Variants in DFFB observed in about 807,000 individuals in gnomAD.
DFFB encodes the protein DNA fragmentation factor subunit beta.
Under a neutral mutation model 32.7 loss-of-function variants are expected in DFFB, and 29 were observed. That is an observed-to-expected ratio of 0.89 (90% CI 0.66 to 1.21). DFFB has a LOEUF of 1.21. Among genes scored for constraint, DFFB ranks in the 50% most tolerant of loss-of-function variants. The pLI is 0.00. For synonymous variants in DFFB, 170 were observed against 177.1 expected, an observed-to-expected ratio of 0.96 and a Z score of 0.32; for missense variants, 398 against 440.6, an observed-to-expected ratio of 0.90 and a Z score of 0.87.
At chr1:3,868,566 C>T (rs1225678412) in intron 4 of DFFB, among the ~76,000 whole-genome samples, 1 of 152,094 alleles carries the variant, frequency 6.6e-6, no homozygotes, top group Non-Finnish European at 1.5e-5. Flanking sequence ...TGGATTTCCT[C>T]ATCACATAGC....
chr1:3,881,659 G>A (rs567582954), intron 6 of DFFB, among the ~76,000 whole-genome samples: 2 of 152,260 alleles, frequency 1.3e-5, no homozygotes, highest in African/African-American at 4.8e-5. Context: ...AGGAGTTCAA[G>A]GCCAGCCTGG....
chr1:3,877,328 G>GTTTTTTTTTTTTT (rs5772128), intron 6 of DFFB, among the ~76,000 whole-genome samples: 5 of 113,894 alleles, frequency 4.4e-5, no homozygotes, highest in African/African-American at 1.4e-4. Flanking sequence ...TGGGAGTTCA[G>GTTTTTTTTTTTTT]TTTTTTTTTT....
chr1:3,865,970 A>G lies in DFFB; in HGVS notation c.400A>G (p.Thr134Ala), dbSNP rs1644971736. 6.3e-7 allele frequency: 1 copy of G among 1,577,522 alleles called. No individual in the cohort carries two copies. The highest frequency in any genetic ancestry group is 1.2e-5 in the South Asian group (1 of 85,966). The change falls in exon 3 of 7, where the codon ACC (threonine) becomes GCC (alanine). Residue 134 changes from threonine (T) to alanine (A), a missense_variant. Coordinates refer to ENST00000378209, the MANE Select transcript of DFFB (RefSeq NM_004402.4). This position sits in a 1 kb window ranked among gnomAD's most constrained non-coding sequence, Gnocchi z 4.7. ...HNVSQNIAAE[T>A]RAEDPPWFEG... Reference sequence around the variant, plus strand: ...CGTCAGCCAGAACATCGCGGCCGAGACCCGGGCTGAGGACCCGCCGTGGTT... The same window carrying G: ...CGTCAGCCAGAACATCGCGGCCGAGGCCCGGGCTGAGGACCCGCCGTGGTT...
intron 4 of DFFB, among the ~76,000 whole-genome samples, chr1:3,868,418 C>T (rs1461192336): frequency 6.6e-6 from 1 of 152,084 alleles, no homozygotes; most frequent in Non-Finnish European, 1.5e-5. Flanking sequence ...CCAACTGTGA[C>T]CAAGGTCAGC....
chr1:3,869,656 C>A lies in DFFB; in HGVS notation c.562C>A (p.Arg188=), dbSNP rs746606419. ...TGCGGAGGCTCAGGAGGAATTCCTGCGGGTCCTCGGCTCCATGTGCCAGAG... is the reference window on the plus strand; with the variant it reads ...TGCGGAGGCTCAGGAGGAATTCCTGAGGGTCCTCGGCTCCATGTGCCAGAG... The part of the protein sequence containing the change: ...VGAEAQEEFL[R]VLGSMCQRLR... The change falls in exon 5 of 7, where the codon CGG becomes AGG. Residue 188 remains arginine, a synonymous_variant. Transcript: ENST00000378209. 9.3e-6 allele frequency: 15 copies of A among 1,613,348 alleles called. No homozygotes were observed. The East Asian group carries it at 3.3e-4, about 36-fold the overall frequency.
intron 4 of DFFB, among the ~76,000 whole-genome samples, chr1:3,869,142 C>A (rs970108757): frequency 1.3e-5 from 2 of 152,240 alleles, no homozygotes; most frequent in Admixed American, 1.3e-4. Context: ...TCACTGCAAC[C>A]TCTGCCTTCC....
intron 2 of DFFB, among the ~76,000 whole-genome samples, chr1:3,861,157 A>AC (rs1557708402): frequency 7.2e-6 from 1 of 138,054 alleles, no homozygotes; most frequent in African/African-American, 2.5e-5. Context: ...CCATCTCAAA[A>AC]AAAAAAAAAA....
At chr1:3,862,682 T>C (rs1644900931) in intron 2 of DFFB, among the ~76,000 whole-genome samples, 1 of 152,154 alleles carries the variant, frequency 6.6e-6, no homozygotes, top group African/African-American at 2.4e-5. Context: ...TGGTACCTTA[T>C]ACAAAAAGTA....
At chr1:3,868,693 G>GGCCACACCACACCAA (rs1557716346) in intron 4 of DFFB, among the ~76,000 whole-genome samples, 10 of 6,978 alleles carry the variant, frequency 1.4e-3, no homozygotes, top group East Asian at 5.7e-3. Context: ...CACCACACCA[G>GGCCACACCACACCAA]GCCACACCAC....
intron 1 of DFFB, 64 bp from the exon 2 acceptor site, chr1:3,858,654 C>T: frequency 6.4e-7 from 1 of 1,574,544 alleles, no homozygotes. Context: ...TTTGTGAGGC[C>T]TGCAGATGCA....
At chr1:3,859,876 G>A (rs967938902) in intron 2 of DFFB, among the ~76,000 whole-genome samples, 1 of 152,116 alleles carries the variant, frequency 6.6e-6, no homozygotes, top group Non-Finnish European at 1.5e-5. Flanking sequence ...TCCCATTTCA[G>A]GGCATAGTTG....
intron 6 of DFFB, among the ~76,000 whole-genome samples, chr1:3,883,175 T>C (rs1645376256): frequency 6.6e-6 from 1 of 152,092 alleles, no homozygotes; most frequent in Admixed American, 6.5e-5. Context: ...AGCCAATTTT[T>C]TGTATTTTTA....
intron 5 of DFFB, among the ~76,000 whole-genome samples, chr1:3,872,256 T>C (rs1570926019): frequency 6.6e-6 from 1 of 151,672 alleles, no homozygotes. Context: ...CTACTGAAAA[T>C]ACAAAAATTA....
Position 3,865,804 on chromosome 1 carries a change from G to T in DFFB, c.242-8G>T. The T allele has an allele frequency of 6.2e-7, 1 of 1,614,078 alleles. No individual in the cohort carries two copies. On this transcript the variant is annotated splice_region_variant and splice_polypyrimidine_tract_variant and intron_variant, in intron 2 of 6. Coordinates refer to ENST00000378209, the MANE Select transcript of DFFB (RefSeq NM_004402.4). This position sits in a 1 kb window ranked among gnomAD's most constrained non-coding sequence, Gnocchi z 4.7. Reference sequence around the variant, plus strand: ...ACCGGCACCTTTTGTTTGTCCCATTGGTGGCAGATGTGAGCGACATCAGGC... The same window carrying T: ...ACCGGCACCTTTTGTTTGTCCCATTTGTGGCAGATGTGAGCGACATCAGGC...
At chr1:3,861,719 C>T (rs1395424174) in intron 2 of DFFB, among the ~76,000 whole-genome samples, 1 of 152,208 alleles carries the variant, frequency 6.6e-6, no homozygotes, top group African/African-American at 2.4e-5. Context: ...TGAGCCACCG[C>T]ACCTGGCCAT....
intron 3 of DFFB, among the ~76,000 whole-genome samples, chr1:3,866,955 G>T (rs148277617): frequency 0.063 from 9,550 of 152,166 alleles, 442 homozygotes; most frequent in African/African-American, 0.13. Context: ...GAGTGCAGTG[G>T]CGCGATCTTG....
At chr1:3,873,435 G>T (rs1419964709) in intron 6 of DFFB, among the ~76,000 whole-genome samples, 1 of 151,722 alleles carries the variant, frequency 6.6e-6, no homozygotes, top group Non-Finnish European at 1.5e-5. Context: ...CGACCAACAT[G>T]ACGCTCAGAG....
At chr1:3,864,042 C>T (rs906462839) in intron 2 of DFFB, among the ~76,000 whole-genome samples, 3 of 152,156 alleles carry the variant, frequency 2.0e-5, no homozygotes, top group Non-Finnish European at 4.4e-5. Flanking sequence ...TCTCGGCTCA[C>T]TGCAACCTCT....
chr1:3,864,614 C>T (rs1457395093), intron 2 of DFFB, among the ~76,000 whole-genome samples: 1 of 152,148 alleles, frequency 6.6e-6, no homozygotes, highest in Non-Finnish European at 1.5e-5. Flanking sequence ...CAACCCTGAA[C>T]TCCTGGGCTC....
Sources: allele counts gnomAD v4.1 joint callset (sites outside exome capture counted in the v4.1 genomes callset), GRCh38; gene constraint gnomAD v4.1.1; non-coding constraint Gnocchi (gnomAD v3.1); transcripts MANE v1.5; gene names NCBI Gene and HGNC (gene_info 2026-07-23, HGNC 2026-07-21).